The following MMP16 variants were observed in gnomAD, a reference collection of about 807,000 sequenced individuals.
The protein encoded by MMP16 is matrix metalloproteinase-16.
In MMP16, 12 loss-of-function variants were observed where a neutral mutation model predicts 67.8. The ratio of observed to expected loss-of-function variants is 0.18; its 90% CI spans 0.11 to 0.29. The LOEUF is 0.29. Among genes scored for constraint, MMP16 ranks in the 10% least tolerant of loss-of-function variants. The pLI, the probability that MMP16 is intolerant of heterozygous loss-of-function variation, is 1.00. For synonymous variants in MMP16, 249 were observed against 255.9 expected, an observed-to-expected ratio of 0.97 and a Z score of 0.26; for missense variants, 475 against 765.7, an observed-to-expected ratio of 0.62 and a Z score of 4.48.
At position 88,186,539 on chromosome 8, in the gene MMP16, T is replaced by A; in HGVS notation, c.341A>T (p.His114Leu). The A allele has an allele frequency of 6.2e-7, 1 of 1,605,590 alleles. No individual in the cohort carries two copies. Among genetic ancestry groups the A allele is most frequent in the South Asian group, 1.1e-5 (1 of 90,892 alleles). ...CAATGCATATCGCTTTCGACGAATA[T>A]GAAATTTGGAGCTACCTCTTGTCTG... Reference protein sequence around the residue: ...PDQTRGSSKFHIRRKRYALTG... With the variant: ...PDQTRGSSKFLIRRKRYALTG... The change falls in exon 3 of 10, where the codon CAT (histidine) becomes CTT (leucine). Residue 114 changes from histidine (H) to leucine (L), a missense_variant. Coordinates refer to ENST00000286614, the MANE Select transcript of MMP16 (RefSeq NM_005941.5).
chr8:88,100,726 C>A (rs1321322846), intron 6 of MMP16, among the ~76,000 whole-genome samples: 2 of 151,924 alleles, frequency 1.3e-5, no homozygotes, highest in Non-Finnish European at 2.9e-5. Flanking sequence ...TGGAACCAAC[C>A]CGAATGTCCA....
chr8:88,212,211 A>G (rs564893961), intron 1 of MMP16, among the ~76,000 whole-genome samples: 23 of 152,274 alleles, frequency 1.5e-4, no homozygotes, highest in African/African-American at 4.6e-4. Flanking sequence ...GTGGGTATGG[A>G]CACAGGCTTT....
chr8:88,242,155 T>C (rs1013835006), intron 1 of MMP16, among the ~76,000 whole-genome samples: 3 of 152,214 alleles, frequency 2.0e-5, no homozygotes, highest in South Asian at 2.1e-4. Context: ...TCTGAAGATG[T>C]TGAAATGAGA....
chr8:88,288,462 T>G (rs1810868331), intron 1 of MMP16, among the ~76,000 whole-genome samples: 1 of 152,196 alleles, frequency 6.6e-6, no homozygotes, highest in Non-Finnish European at 1.5e-5. Flanking sequence ...TGAGCCCTAT[T>G]TAACCTCATA....
At position 88,261,072 on chromosome 8, in the gene MMP16, C is replaced by G. The variant is rs1348721079; in HGVS notation, c.133-63766G>C. On this transcript the variant is annotated intron_variant, in intron 1 of 9. Coordinates refer to ENST00000286614, the MANE Select transcript of MMP16 (RefSeq NM_005941.5). ...AGGGAATACATTGCATTTTGAAATA[C>G]TGAAGTTATTTAACACTTTGTCTTG... Among the ~76,000 whole-genome samples the G allele has an allele frequency of 9.2e-5, 14 of 152,158 alleles. No individual in the cohort carries two copies. The East Asian group carries it at 2.7e-3, about 29-fold the overall frequency.
At chr8:88,085,509 G>C (rs569649225) in intron 6 of MMP16, among the ~76,000 whole-genome samples, 3 of 152,022 alleles carry the variant, frequency 2.0e-5, no homozygotes, top group Non-Finnish European at 4.4e-5. Context: ...TGATGCAGCA[G>C]TACATCTCAA....
rs1306983561 is a variant in MMP16, at chr8:88,034,629, T to C, written c.*6832A>G. The C allele has an allele frequency of 6.6e-6, 1 of 152,148 alleles. No homozygotes were observed. 9.4% of individuals were successfully genotyped at this position (152,148 alleles called of 1,614,324 possible). A position where few individuals can be genotyped will look rare whatever the true frequency, so the allele number is the denominator to read the frequency against. ...GTAATAGCAAAAATTGTAACATTGA[T>C]TTAAGGATAACGCTCATATTACTAC... On this transcript the variant is annotated 3_prime_UTR_variant, in exon 10 of 10. Transcript: ENST00000286614.
rs529067916 is a variant in MMP16, at chr8:88,317,804, T to C, written c.132+9271A>G. 4.6e-5 allele frequency among the ~76,000 whole-genome samples: 7 copies of C among 152,210 alleles called. No individual in the cohort carries two copies. In the South Asian group the frequency reaches 1.2e-3, roughly 27 times the overall value. ...GCCTGAAGATTTTTTTTTACATCTA[T>C]TGGTCAACCACCATATTGGAGTTTC... On this transcript the variant is annotated intron_variant, in intron 1 of 9. Coordinates refer to ENST00000286614, the MANE Select transcript of MMP16 (RefSeq NM_005941.5).
At chr8:88,273,576 T>G (rs1810599997) in intron 1 of MMP16, among the ~76,000 whole-genome samples, 1 of 152,184 alleles carries the variant, frequency 6.6e-6, no homozygotes, top group Non-Finnish European at 1.5e-5. Flanking sequence ...AATGGTCATT[T>G]ATCAACATGA....
At chr8:88,046,506 A>C (rs1279673325) in intron 9 of MMP16, among the ~76,000 whole-genome samples, 163 bp downstream of exon 9, 1 of 152,206 alleles carries the variant, frequency 6.6e-6, no homozygotes, top group Non-Finnish European at 1.5e-5. Flanking sequence ...CTACAGCATA[A>C]TATGATATGT....
chr8:88,306,989 C>A (rs926471722), intron 1 of MMP16, among the ~76,000 whole-genome samples: 1 of 152,182 alleles, frequency 6.6e-6, no homozygotes, highest in Non-Finnish European at 1.5e-5. Flanking sequence ...GTCAAACTAT[C>A]TTTGTTTGCA....
intron 6 of MMP16, among the ~76,000 whole-genome samples, chr8:88,111,498 T>C (rs1203522380): frequency 6.6e-6 from 1 of 151,676 alleles, no homozygotes; most frequent in African/African-American, 2.4e-5. Flanking sequence ...GAAGTGTGGC[T>C]GGAGTTCTGT....
chr8:88,240,164 C>T (rs1185635737), intron 1 of MMP16, among the ~76,000 whole-genome samples: 2 of 152,192 alleles, frequency 1.3e-5, no homozygotes, highest in African/African-American at 4.8e-5. Context: ...CGGACATGAA[C>T]CCTTTCTGTG....
chr8:88,051,926 G>C (rs950355579), intron 8 of MMP16, among the ~76,000 whole-genome samples: 2 of 152,048 alleles, frequency 1.3e-5, no homozygotes, highest in African/African-American at 4.8e-5. Flanking sequence ...TTAACAAAAG[G>C]GCAAGTAGGA....
intron 4 of MMP16, among the ~76,000 whole-genome samples, chr8:88,119,065 C>T (rs985133583): frequency 5.3e-5 from 8 of 151,828 alleles, no homozygotes; most frequent in Admixed American, 1.3e-4. Flanking sequence ...GAAGAGGTGG[C>T]GGTGATAAAG....
intron 2 of MMP16, among the ~76,000 whole-genome samples, chr8:88,187,156 G>C (rs1233265757): frequency 6.6e-6 from 1 of 152,052 alleles, no homozygotes; most frequent in Non-Finnish European, 1.5e-5. Flanking sequence ...TCATTTCCAA[G>C]TAGCAGCCAC....
In MMP16 at chr8:88,092,325, A is replaced by T. The variant is rs149520680; in HGVS notation, c.1084-17582T>A. 7.2e-5 allele frequency among the ~76,000 whole-genome samples: 11 copies of T among 151,976 alleles called. No individual in the cohort carries two copies. The East Asian group carries it at 2.1e-3, about 30-fold the overall frequency. On this transcript the variant is annotated intron_variant, in intron 6 of 9. Coordinates refer to ENST00000286614, the MANE Select transcript of MMP16 (RefSeq NM_005941.5). ...GAATGTTCTTTCCTTTTATCTTTGC[A>T]TTGCTCGTTCCTTTATCTGTTTAAA...
At chr8:88,314,480 T>G (rs961544891) in intron 1 of MMP16, among the ~76,000 whole-genome samples, 1 of 152,328 alleles carries the variant, frequency 6.6e-6, no homozygotes, top group African/African-American at 2.4e-5. Flanking sequence ...TTCCAACAAA[T>G]ATCACTGAGC....
chr8:88,033,454 G>T lies in MMP16; in HGVS notation c.*8007C>A, dbSNP rs1400367825. Reference sequence around the variant, plus strand: ...CACGTTTTAAAATATCTTAAAGATAGGTTACTATACTGATGAAGCAGGCAA... The same window carrying T: ...CACGTTTTAAAATATCTTAAAGATATGTTACTATACTGATGAAGCAGGCAA... On this transcript the variant is annotated 3_prime_UTR_variant, in exon 10 of 10. Transcript: ENST00000286614. 6.6e-6 allele frequency: 1 copy of T among 151,624 alleles called. No individual in the cohort carries two copies. The highest frequency in any genetic ancestry group is 1.5e-5 in the Non-Finnish European group (1 of 67,856). The allele number at this position is 151,624 out of a possible 1,614,324, so 9.4% of individuals were successfully genotyped here.
Sources: allele counts gnomAD v4.1 joint callset (sites outside exome capture counted in the v4.1 genomes callset), GRCh38; gene constraint gnomAD v4.1.1; transcripts MANE v1.5; gene names NCBI Gene and HGNC (gene_info 2026-07-23, HGNC 2026-07-21).